The following GALNT17 variants were observed in gnomAD, a reference collection of about 807,000 sequenced individuals.
GALNT17 encodes the protein UDP-GalNAc:polypeptide N-acetylgalactosaminyltransferase-like 3.
GALNT17 carries 29 observed loss-of-function variants against 63.7 expected under a neutral mutation model. The ratio of observed to expected loss-of-function variants is 0.46; its 90% confidence interval spans 0.34 to 0.62. The LOEUF (loss-of-function observed/expected upper bound fraction) is 0.62. Among genes scored for constraint, GALNT17 ranks in the 20% least tolerant of loss-of-function variants. GALNT17 has a pLI of 0.01. For synonymous variants in GALNT17, 305 were observed against 318.3 expected, an observed-to-expected ratio of 0.96 and a Z score of 0.45; for missense variants, 603 against 799.6, an observed-to-expected ratio of 0.75 and a Z score of 2.97.
At chr7:71,196,036 T>A (rs1242056037) in intron 1 of GALNT17, among the ~76,000 whole-genome samples, 2 of 152,202 alleles carry the variant, frequency 1.3e-5, no homozygotes, top group East Asian at 3.9e-4. Context: ...CCCTGTGACT[T>A]CACTGGGGTA....
chr7:71,387,626 C>T (rs549973153), intron 2 of GALNT17, among the ~76,000 whole-genome samples: 1 of 152,150 alleles, frequency 6.6e-6, no homozygotes, highest in South Asian at 2.1e-4. Context: ...GCACCGTGTT[C>T]CGGGTGGTCC....
At chr7:71,641,681 G>T (rs1393191457) in intron 6 of GALNT17, among the ~76,000 whole-genome samples, 1 of 151,858 alleles carries the variant, frequency 6.6e-6, no homozygotes, top group East Asian at 1.9e-4. Flanking sequence ...TCACCGAGAG[G>T]GTCAGGATTT....
At chr7:71,418,430 C>G (rs1230182996) in intron 4 of GALNT17, among the ~76,000 whole-genome samples, 1 of 152,192 alleles carries the variant, frequency 6.6e-6, no homozygotes, top group Non-Finnish European at 1.5e-5. Context: ...ATGTTTCTCT[C>G]TTGTCTGCAT....
At position 71,693,303 on chromosome 7, in the gene GALNT17, C is replaced by CATATATATATATATATATATATATAT. The variant is rs1214195779; in HGVS notation, c.1500+15998_1500+15999insTATATATATATATATATATATATATA. On this transcript the variant is annotated intron_variant, in intron 9 of 10. Coordinates refer to ENST00000333538, the MANE Select transcript of GALNT17 (RefSeq NM_022479.3). ...ACACACACACACACACACACACACACACACACATATATATATATGGAGACA... is the reference window on the plus strand; with the variant it reads ...ACACACACACACACACACACACACACATATATATATATATATATATATATATACACACATATATATATATGGAGACA... Among the ~76,000 whole-genome samples, 12 of 121,978 alleles carry CATATATATATATATATATATATATAT rather than the reference C, an allele frequency of 9.8e-5. 1 individual carries two copies. In the East Asian group the frequency reaches 2.2e-3, roughly 22 times the overall value. The allele number at this position is 121,978 out of a possible 152,430, so 80.0% of individuals were successfully genotyped here.
intron 1 of GALNT17, among the ~76,000 whole-genome samples, chr7:71,307,049 C>G (rs1309146427): frequency 6.6e-6 from 1 of 152,082 alleles, no homozygotes; most frequent in Non-Finnish European, 1.5e-5. Context: ...GTCTTGAACT[C>G]CTGACCTCAA....
intron 5 of GALNT17, among the ~76,000 whole-genome samples, chr7:71,492,906 C>T (rs1366247083): frequency 6.6e-6 from 1 of 152,108 alleles, no homozygotes; most frequent in African/African-American, 2.4e-5. Flanking sequence ...GATTTGGGGG[C>T]CAGGGGATCC....
intron 1 of GALNT17, among the ~76,000 whole-genome samples, chr7:71,172,778 A>C (rs1434385621): frequency 6.6e-6 from 1 of 152,318 alleles, no homozygotes; most frequent in Non-Finnish European, 1.5e-5. Flanking sequence ...TTCTTAATAA[A>C]TGAAGTAATC....
intron 1 of GALNT17, among the ~76,000 whole-genome samples, chr7:71,324,969 T>G (rs1297993086): frequency 6.6e-6 from 1 of 152,346 alleles, no homozygotes; most frequent in Admixed American, 6.5e-5. Flanking sequence ...CAAGCTCTTG[T>G]GTTCCATTGA....
At chr7:71,259,641 T>G (rs1308893522) in intron 1 of GALNT17, among the ~76,000 whole-genome samples, 2 of 146,586 alleles carry the variant, frequency 1.4e-5, no homozygotes, top group Non-Finnish European at 3.0e-5. Context: ...GTTTTTTGTT[T>G]TTTTGTTTTT....
At chr7:71,165,895 G>C (rs1185036672) in intron 1 of GALNT17, among the ~76,000 whole-genome samples, 1 of 152,068 alleles carries the variant, frequency 6.6e-6, no homozygotes, top group East Asian at 1.9e-4. Context: ...TCCCTGACTG[G>C]GTGAGGCAGC....
intron 3 of GALNT17, among the ~76,000 whole-genome samples, chr7:71,400,719 G>A (rs780641689): frequency 1.6e-4 from 24 of 152,250 alleles, no homozygotes; most frequent in Middle Eastern, 3.4e-3. Context: ...TTTAACCACC[G>A]ATATGAAATT....
rs574897463 is a variant in GALNT17, at chr7:71,392,265, G to C, written c.589+3864G>C. Among the ~76,000 whole-genome samples, 8 of 152,284 alleles carry C rather than the reference G, an allele frequency of 5.3e-5. No homozygotes were observed. The South Asian group carries it at 1.7e-3, about 32-fold the overall frequency. ...GAAGAGAGCACCAGTAGGGGACTGG[G>C]GAAGTAAGAATGTGAAGGGAAAGCA... On this transcript the variant is annotated intron_variant, in intron 3 of 10. Coordinates refer to ENST00000333538, the MANE Select transcript of GALNT17 (RefSeq NM_022479.3).
In GALNT17 at chr7:71,375,986, G is replaced by C. The variant is rs148527112; in HGVS notation, c.423-12249G>C. On this transcript the variant is annotated intron_variant, in intron 2 of 10. Transcript: ENST00000333538. Reference sequence around the variant, plus strand: ...CAGCTACTTGACGGGGGCTGAGGTAGGATAATCAGTTGAACCTGGGAGGCA... The same window carrying C: ...CAGCTACTTGACGGGGGCTGAGGTACGATAATCAGTTGAACCTGGGAGGCA... Among the ~76,000 whole-genome samples the C allele has an allele frequency of 3.2e-3, 485 of 152,244 alleles. 1 individual carries two copies. The highest frequency in any genetic ancestry group is 5.6e-3 in the Admixed American group (85 of 15,294).
chr7:71,230,869 G>A (rs889789654), intron 1 of GALNT17, among the ~76,000 whole-genome samples: 1 of 152,092 alleles, frequency 6.6e-6, no homozygotes, highest in African/African-American at 2.4e-5. Context: ...AACCAACGTC[G>A]TCAAGATCAC....
chr7:71,174,117 T>G (rs1788593793), intron 1 of GALNT17, among the ~76,000 whole-genome samples: 1 of 152,102 alleles, frequency 6.6e-6, no homozygotes, highest in South Asian at 2.1e-4. Flanking sequence ...CTTGAGGGGC[T>G]CATAGACAGG....
chr7:71,474,628 A>G (rs1787693373), intron 5 of GALNT17, among the ~76,000 whole-genome samples: 1 of 152,224 alleles, frequency 6.6e-6, no homozygotes, highest in Non-Finnish European at 1.5e-5. Context: ...ATGAGAATTT[A>G]ACTTACAGAG....
chr7:71,297,474 G>A (rs1369246843), intron 1 of GALNT17, among the ~76,000 whole-genome samples: 3 of 152,120 alleles, frequency 2.0e-5, no homozygotes, highest in Non-Finnish European at 2.9e-5. Flanking sequence ...AACCCGGGAG[G>A]TGGAGGTTGC....
chr7:71,470,339 G>T (rs953780394), intron 5 of GALNT17, among the ~76,000 whole-genome samples: 5 of 152,276 alleles, frequency 3.3e-5, no homozygotes, highest in African/African-American at 1.2e-4. Context: ...GAGGATGTTT[G>T]GTTGGTGGGT....
chr7:71,336,176 G>A (rs1019356949), intron 2 of GALNT17, among the ~76,000 whole-genome samples: 5 of 151,594 alleles, frequency 3.3e-5, no homozygotes, highest in Admixed American at 3.3e-4. Flanking sequence ...CTCCCGAGTA[G>A]CTGGGATTGC....
Sources: gnomAD v4.1 joint callset for allele counts (sites outside exome capture counted in the v4.1 genomes callset) on GRCh38, gnomAD v4.1.1 for gene constraint, MANE v1.5 for transcripts, NCBI Gene and HGNC (gene_info 2026-07-23, HGNC 2026-07-21) for gene names.